LAMA2: variants seen among roughly 807,000 people sequenced by gnomAD.
The protein encoded by LAMA2 is laminin subunit alpha 2.
A neutral mutation model predicts 364.8 loss-of-function variants in LAMA2; 269 were observed. The ratio of observed to expected loss-of-function variants is 0.74; its 90% confidence interval spans 0.67 to 0.82. LAMA2 has a LOEUF of 0.82. Ranked by LOEUF, LAMA2 falls within the 40% of genes least tolerant of loss-of-function variation. The pLI is 0.00. For synonymous variants in LAMA2, 1,379 were observed against 1,370.6 expected (o/e 1.01, Z -0.14); for missense variants, 3,807 against 3,873.2 (o/e 0.98, Z 0.45).
chr6:129,454,419 T>G (rs1311742314), intron 47 of LAMA2, 131 bp downstream of exon 47: 2 of 698,454 alleles, frequency 2.9e-6, no homozygotes, highest in Non-Finnish European at 4.9e-6. Context: ...GTGTATGAAT[T>G]TTATACATGT....
intron 1 of LAMA2, among the ~76,000 whole-genome samples, chr6:128,907,685 G>C (rs1299248892): frequency 6.6e-6 from 1 of 152,108 alleles, no homozygotes; most frequent in South Asian, 2.1e-4. Context: ...AATAGGAGTG[G>C]TGAGAGAGGG....
intron 18 of LAMA2, among the ~76,000 whole-genome samples, chr6:129,284,187 C>A (rs1788933541): frequency 6.6e-6 from 1 of 152,090 alleles, no homozygotes; most frequent in Admixed American, 6.6e-5. Context: ...AAGAACACAG[C>A]ATTACAGCCA....
intron 4 of LAMA2, among the ~76,000 whole-genome samples, chr6:129,135,435 C>T (rs1001218263): frequency 6.6e-6 from 1 of 152,204 alleles, no homozygotes; most frequent in African/African-American, 2.4e-5. Flanking sequence ...GAATCGAACA[C>T]ATTGTAACCA....
At chr6:129,419,607 A>G (rs183467362) in intron 40 of LAMA2, among the ~76,000 whole-genome samples, 178 of 152,240 alleles carry the variant, frequency 1.2e-3, no homozygotes, top group African/African-American at 4.2e-3. Context: ...ACTTCATTTT[A>G]TATTTTTGAA....
intron 34 of LAMA2, among the ~76,000 whole-genome samples, chr6:129,377,884 A>G (rs557530181): frequency 3.5e-4 from 53 of 152,296 alleles, no homozygotes; most frequent in African/African-American, 1.3e-3. Context: ...ATTGTTCAGA[A>G]GTAAATTAAC....
At chr6:129,018,927 C>G (rs1285107643) in intron 1 of LAMA2, among the ~76,000 whole-genome samples, 1 of 151,844 alleles carries the variant, frequency 6.6e-6, no homozygotes, top group African/African-American at 2.4e-5. Flanking sequence ...GTATTCTTGT[C>G]CTATTTGCCA....
intron 45 of LAMA2, among the ~76,000 whole-genome samples, chr6:129,451,394 G>T (rs1782668859): frequency 6.6e-6 from 1 of 152,156 alleles, no homozygotes; most frequent in Non-Finnish European, 1.5e-5. Context: ...CAGTTGGCAG[G>T]CTGGCCCCAC....
At chr6:129,209,372 T>C (rs1434555293) in intron 12 of LAMA2, among the ~76,000 whole-genome samples, 1 of 152,174 alleles carries the variant, frequency 6.6e-6, no homozygotes, top group Non-Finnish European at 1.5e-5. Context: ...TGGAGGGTGA[T>C]GGATAGAATA....
At position 128,923,220 on chromosome 6, in the gene LAMA2, A is replaced by T. The variant is rs553863249; in HGVS notation, c.112+39863A>T. On this transcript the variant is annotated intron_variant, in intron 1 of 64. Coordinates refer to ENST00000421865, the MANE Select transcript of LAMA2 (RefSeq NM_000426.4). ...CTTTTTTGGTTCCATATGAACTTTA[A>T]AGTAGTTTTTTCCAACTCTGTGAAG... Among the ~76,000 whole-genome samples, 921 of 150,752 alleles carry T rather than the reference A, an allele frequency of 6.1e-3. 9 individuals carry two copies. Among genetic ancestry groups the T allele is most frequent in the African/African-American group, 0.021 (863 of 40,910 alleles).
At chr6:129,073,635 T>C (rs934034353) in intron 3 of LAMA2, among the ~76,000 whole-genome samples, 1 of 152,210 alleles carries the variant, frequency 6.6e-6, no homozygotes, top group Admixed American at 6.5e-5. Flanking sequence ...ATAATCCCTT[T>C]TTTCTGCTGG....
intron 34 of LAMA2, among the ~76,000 whole-genome samples, chr6:129,375,286 G>A (rs1778307842): frequency 6.6e-6 from 1 of 151,992 alleles, no homozygotes; most frequent in African/African-American, 2.4e-5. Context: ...TATTCAAACT[G>A]CCCTACAGTA....
chr6:129,468,447 A>T (rs1044814744), intron 51 of LAMA2, among the ~76,000 whole-genome samples: 3 of 151,900 alleles, frequency 2.0e-5, no homozygotes, highest in African/African-American at 7.2e-5. Context: ...TAATACTTTT[A>T]AAGTATTTTA....
At chr6:129,081,136 A>G (rs1347980216) in intron 3 of LAMA2, among the ~76,000 whole-genome samples, 1 of 152,076 alleles carries the variant, frequency 6.6e-6, no homozygotes, top group African/African-American at 2.4e-5. Context: ...AGCAAACTAT[A>G]GCAAGGACAG....
At chr6:129,447,345 G>A (rs1217465056) in intron 45 of LAMA2, among the ~76,000 whole-genome samples, 1 of 152,204 alleles carries the variant, frequency 6.6e-6, no homozygotes, top group Non-Finnish European at 1.5e-5. Context: ...TTTGAGCCAG[G>A]CATTGAGGTG....
chr6:129,251,304 G>GT (rs1376568989), intron 13 of LAMA2, among the ~76,000 whole-genome samples: 2 of 151,822 alleles, frequency 1.3e-5, no homozygotes, highest in East Asian at 3.9e-4. Context: ...TTTGTTGTTT[G>GT]TTTTTTCCCA....
intron 4 of LAMA2, among the ~76,000 whole-genome samples, chr6:129,109,254 C>T (rs1325994084): frequency 6.6e-6 from 1 of 152,036 alleles, no homozygotes; most frequent in African/African-American, 2.4e-5. Context: ...AGATATTAGT[C>T]AATGCATTAC....
chr6:129,075,970 C>T (rs1004813336), intron 3 of LAMA2, among the ~76,000 whole-genome samples: 4 of 151,952 alleles, frequency 2.6e-5, no homozygotes, highest in Admixed American at 1.3e-4. Context: ...ATAGTAGTCC[C>T]AGCTACTCAG....
intron 15 of LAMA2, 138 bp downstream of exon 15, chr6:129,260,960 A>C: frequency 1.5e-6 from 1 of 663,780 alleles, no homozygotes; most frequent in Non-Finnish European, 2.8e-6. Flanking sequence ...CAAAACTTGA[A>C]TATCTACCAA....
At chr6:128,976,505 C>T (rs928107340) in intron 1 of LAMA2, among the ~76,000 whole-genome samples, 1 of 152,128 alleles carries the variant, frequency 6.6e-6, no homozygotes, top group African/African-American at 2.4e-5. Flanking sequence ...AGTAGGAACA[C>T]AGGGAAAGAT....
Sources: allele counts gnomAD v4.1 joint callset (sites outside exome capture counted in the v4.1 genomes callset), GRCh38; gene constraint gnomAD v4.1.1; transcripts MANE v1.5; gene names NCBI Gene and HGNC (gene_info 2026-07-23, HGNC 2026-07-21).